The following TENM2 variants were observed in gnomAD, a reference collection of about 807,000 sequenced individuals.
The protein encoded by TENM2 is teneurin-2.
TENM2 carries 52 observed loss-of-function variants against 245.2 expected under a neutral mutation model. That is an observed-to-expected ratio of 0.21 (90% CI 0.17 to 0.27). TENM2 has a LOEUF of 0.27. TENM2 is among the 10% of genes least tolerant of loss of function. The pLI is 1.00. For missense variants in TENM2, 3,046 were observed against 3,666.8 expected (o/e 0.83, Z 4.37); for synonymous variants, 1,363 against 1,438.9 (o/e 0.95, Z 1.19).
chr5:167,559,249 G>A (rs907227555), intron 2 of TENM2, among the ~76,000 whole-genome samples: 1 of 152,152 alleles, frequency 6.6e-6, no homozygotes, highest in Non-Finnish European at 1.5e-5. Context: ...CTACATCCCA[G>A]CAAATCATCC....
At chr5:167,379,753 G>A (rs552330330) in intron 2 of TENM2, among the ~76,000 whole-genome samples, 1 of 152,164 alleles carries the variant, frequency 6.6e-6, no homozygotes, top group South Asian at 2.1e-4. Flanking sequence ...GAAGTGAAAA[G>A]TCAGTGGTAA....
chr5:167,733,550 A>C (rs531628723), intron 2 of TENM2, among the ~76,000 whole-genome samples: 2 of 152,338 alleles, frequency 1.3e-5, no homozygotes, highest in South Asian at 4.1e-4. Context: ...AAAGGAGTGA[A>C]GAGGCTTTTC....
At chr5:168,159,324 T>C (rs1757533986) in intron 12 of TENM2, among the ~76,000 whole-genome samples, 1 of 152,038 alleles carries the variant, frequency 6.6e-6, no homozygotes, top group South Asian at 2.1e-4. Context: ...TGGGTATGCT[T>C]TAAGGGGCTT....
chr5:167,857,222 G>C (rs1771172514), intron 2 of TENM2, among the ~76,000 whole-genome samples: 1 of 152,184 alleles, frequency 6.6e-6, no homozygotes, highest in South Asian at 2.1e-4. Context: ...GATTTATCAA[G>C]CTGAATGTGG....
intron 2 of TENM2, among the ~76,000 whole-genome samples, chr5:167,742,950 G>T (rs1447372264): frequency 6.6e-6 from 1 of 150,530 alleles, no homozygotes; most frequent in African/African-American, 2.5e-5. Context: ...CCTGGGTGCT[G>T]GGTGACAGAG....
chr5:167,272,417 C>T, the TENM2 span, among the ~76,000 whole-genome samples: 26 of 152,078 alleles, frequency 1.7e-4, no homozygotes, highest in African/African-American at 6.0e-4. Context: ...GTTGGCAATT[C>T]AATTAACGTG....
intron 3 of TENM2, among the ~76,000 whole-genome samples, chr5:167,939,019 T>C (rs910304879): frequency 2.6e-5 from 4 of 152,142 alleles, no homozygotes; most frequent in Middle Eastern, 3.2e-3. Context: ...GAAATTTAAT[T>C]GGACAGAAGG....
chr5:168,207,479 A>G (rs973103483), intron 19 of TENM2, among the ~76,000 whole-genome samples: 4 of 152,048 alleles, frequency 2.6e-5, no homozygotes, highest in Non-Finnish European at 5.9e-5. Context: ...CTTTTTTCTA[A>G]CTGCCTTTAG....
chr5:167,517,779 T>G (rs780378889), intron 2 of TENM2, among the ~76,000 whole-genome samples: 1 of 152,162 alleles, frequency 6.6e-6, no homozygotes, highest in Non-Finnish European at 1.5e-5. Context: ...GCTGATACCA[T>G]TCAACCTAGC....
intron 2 of TENM2, among the ~76,000 whole-genome samples, chr5:167,396,316 A>G (rs1227203299): frequency 6.6e-6 from 1 of 152,186 alleles, no homozygotes; most frequent in Non-Finnish European, 1.5e-5. Flanking sequence ...TACAACATGG[A>G]TGAACCTTGG....
intron 2 of TENM2, among the ~76,000 whole-genome samples, chr5:167,399,255 C>T (rs1581937842): frequency 2.0e-5 from 3 of 152,260 alleles, no homozygotes; most frequent in African/African-American, 7.2e-5. Flanking sequence ...CCCAGACTCA[C>T]AGAGTTGATG....
intron 14 of TENM2, 105 bp from the exon 17 acceptor site, chr5:168,195,071 C>T (rs1761292536): frequency 1.5e-6 from 2 of 1,352,856 alleles, no homozygotes; most frequent in Non-Finnish European, 2.0e-6. Flanking sequence ...TGAAAGCCTT[C>T]TCCTTGCCTG....
intron 4 of TENM2, among the ~76,000 whole-genome samples, chr5:167,982,462 A>G (rs913961665): frequency 6.6e-6 from 1 of 152,216 alleles, no homozygotes; most frequent in Non-Finnish European, 1.5e-5. Context: ...GAGGCAATGC[A>G]GTACATACAT....
At chr5:168,262,735 G>A (rs1490325161) in exon 29 of TENM2, 2 of 1,610,992 alleles carry the variant, frequency 1.2e-6, no homozygotes, top group Non-Finnish European at 1.7e-6. Context: ...TGCTTCCCGT[G>A]GAGCAATACC....
exon 24 of TENM2, chr5:168,226,191 T>G (rs1228877882): frequency 1.2e-6 from 2 of 1,613,598 alleles, no homozygotes; most frequent in South Asian, 1.1e-5. Context: ...CATTGAGAAC[T>G]CCAACCGTGA....
intron 2 of TENM2, among the ~76,000 whole-genome samples, chr5:167,738,725 C>G (rs1646081158): frequency 6.6e-6 from 1 of 152,072 alleles, no homozygotes; most frequent in Admixed American, 6.5e-5. Context: ...AGACCTCTCT[C>G]CTTGACTTGT....
intron 2 of TENM2, among the ~76,000 whole-genome samples, chr5:167,802,143 G>T (rs1356825681): frequency 6.6e-6 from 1 of 152,000 alleles, no homozygotes; most frequent in Non-Finnish European, 1.5e-5. Flanking sequence ...CATTCATGAG[G>T]GCAGAGCCTT....
At chr5:167,919,599 C>T (rs1486891730) in intron 3 of TENM2, among the ~76,000 whole-genome samples, 2 of 152,152 alleles carry the variant, frequency 1.3e-5, no homozygotes, top group Non-Finnish European at 2.9e-5. Flanking sequence ...GAAGAGGTAA[C>T]CCCTTGACCT....
intron 25 of TENM2, among the ~76,000 whole-genome samples, chr5:168,229,059 AATGT>A (rs1011948839): frequency 8.1e-5 from 12 of 148,214 alleles, no homozygotes; most frequent in African/African-American, 2.9e-4. Flanking sequence ...ATATATAATT[AATGT>A]ATAATTATAT....
Sources: gnomAD v4.1 joint callset for allele counts (sites outside exome capture counted in the v4.1 genomes callset) on GRCh38, gnomAD v4.1.1 for gene constraint, MANE v1.5 for transcripts, NCBI Gene and HGNC (gene_info 2026-07-23, HGNC 2026-07-21) for gene names.